The following ZNF609 variants were observed in gnomAD, a reference collection of about 807,000 sequenced individuals.
ZNF609 encodes zinc finger protein 609.
Under a neutral mutation model 109.5 loss-of-function variants are expected in ZNF609, and 11 were observed. That is an observed-to-expected ratio of 0.10 (90% confidence interval 0.06 to 0.17). The LOEUF (loss-of-function observed/expected upper bound fraction) is 0.17, where lower values mean the gene tolerates loss of function less well. ZNF609 is among the 10% of genes least tolerant of loss of function. The pLI is 1.00. For missense variants in ZNF609, 1,559 were observed against 1,772.4 expected (o/e 0.88, Z 2.16); for synonymous variants, 646 against 662.0 (o/e 0.98, Z 0.37).
intron 2 of ZNF609, among the ~76,000 whole-genome samples, chr15:64,520,331 T>C (rs1011172228): frequency 2.6e-5 from 4 of 152,148 alleles, no homozygotes; most frequent in African/African-American, 9.7e-5. Flanking sequence ...ACCAAAAATG[T>C]CCCCAGACAC....
intron 2 of ZNF609, among the ~76,000 whole-genome samples, chr15:64,596,044 A>C (rs520694): frequency 0.74 from 112,931 of 152,090 alleles, 45,478 homozygotes; most frequent in East Asian, 0.96. Flanking sequence ...AATGTTGCCC[A>C]TTCCCTCAGC....
At chr15:64,575,960 G>A (rs1440919847) in intron 2 of ZNF609, among the ~76,000 whole-genome samples, 1 of 152,148 alleles carries the variant, frequency 6.6e-6, no homozygotes, top group Non-Finnish European at 1.5e-5. Flanking sequence ...AAATTAGTCA[G>A]GCGCGGTGGC....
At chr15:64,604,114 A>G (rs140175667) in intron 2 of ZNF609, among the ~76,000 whole-genome samples, 1 of 151,876 alleles carries the variant, frequency 6.6e-6, no homozygotes, top group African/African-American at 2.4e-5. Context: ...TTATGACATT[A>G]CTTTAATTAC....
At chr15:64,608,443 GATTTCCCCCATT>G (rs992011157) in intron 2 of ZNF609, among the ~76,000 whole-genome samples, 1 of 152,066 alleles carries the variant, frequency 6.6e-6, no homozygotes, top group African/African-American at 2.4e-5. Context: ...ATTGTGTTCA[GATTTCCCCCATT>G]TACTCGTACT....
At chr15:64,466,800 T>A (rs1893021081) in intron 1 of ZNF609, among the ~76,000 whole-genome samples, 1 of 152,102 alleles carries the variant, frequency 6.6e-6, no homozygotes, top group African/African-American at 2.4e-5. Context: ...TCCTTTTACC[T>A]TTCCCCCACC....
chr15:64,504,365 A>G (rs1233848548), intron 2 of ZNF609, among the ~76,000 whole-genome samples: 2 of 152,240 alleles, frequency 1.3e-5, no homozygotes, highest in Non-Finnish European at 2.9e-5. Context: ...TGGCAAAGCC[A>G]GATTTGTAGA....
rs549532653 is a variant in ZNF609 at position 64,505,328 on chromosome 15, A to G, written c.747+5162A>G. Among the ~76,000 whole-genome samples, 367 of 39,366 alleles carry G rather than the reference A, an allele frequency of 9.3e-3. 1 individual carries two copies. Among genetic ancestry groups the G allele is most frequent in the Middle Eastern group, 0.018 (1 of 56 alleles). 25.8% of individuals were successfully genotyped at this position (39,366 alleles called of 152,430 possible). A position where few individuals can be genotyped will look rare whatever the true frequency, so the allele number is the denominator to read the frequency against. On this transcript the variant is annotated intron_variant, in intron 2 of 9. Transcript: ENST00000326648. ...CTTTCTTTACTTGGCAATTGCAGGT[A>G]AGAAAAAAAACCCTGTTCTAGTGCT...
rs1244693405 is a variant in ZNF609, at chr15:64,674,430, A to C, written c.1576A>C (p.Lys526Gln). Residue 526 changes from lysine (K) to glutamine (Q), a missense_variant, in exon 5 of 10, where the codon AAG becomes CAG. Transcript: ENST00000326648. ...QAHAHTDDDS[K>Q]PEADGDSEYG... ...TCATGCCCATACAGATGATGACAGC[A>C]AGCCGGAAGCGGATGGGGACAGTGA... is the stretch of plus-strand genomic sequence containing the variant. The C allele has an allele frequency of 6.2e-7, 1 of 1,614,060 alleles. No homozygotes were observed. Among genetic ancestry groups the C allele is most frequent in the Non-Finnish European group, 8.5e-7 (1 of 1,180,038 alleles).
rs944009256 is a variant in ZNF609, at chr15:64,474,770, C to A, written c.-128+13932C>A. 2.1e-4 allele frequency among the ~76,000 whole-genome samples: 32 copies of A among 152,080 alleles called. 1 individual carries two copies. Among genetic ancestry groups the A allele is most frequent in the African/African-American group, 7.7e-4 (32 of 41,414 alleles). On this transcript the variant is annotated intron_variant, in intron 1 of 9. Transcript: ENST00000326648. ...TGCTCTGAAAGATAAGAATTTTGTT[C>A]TAGAAGAGTGTGTGCAAATAAAGCC...
chr15:64,621,650 C>G (rs1476234772), intron 2 of ZNF609, among the ~76,000 whole-genome samples: 1 of 152,144 alleles, frequency 6.6e-6, no homozygotes, highest in South Asian at 2.1e-4. Flanking sequence ...GCCATTGCAC[C>G]TGACCCATCA....
rs749802249 is a variant in ZNF609 at position 64,675,405 on chromosome 15, G to A, written c.2551G>A (p.Ala851Thr). 6.2e-7 allele frequency: 1 copy of A among 1,614,200 alleles called. No individual in the cohort carries two copies. The highest frequency in any genetic ancestry group is 1.1e-5 in the South Asian group (1 of 91,082). ...CCCTGCATACTCTGACATCTCTGAT[G>A]CTGGGGAGGATGGGGAGGGCAAGGT... is the stretch of plus-strand genomic sequence containing the variant. ...NSPAYSDISD[A>T]GEDGEGKVDS... is the part of the protein sequence containing the mutation. The change falls in exon 5 of 10, where the codon GCT (alanine) becomes ACT (threonine). Residue 851 changes from alanine to threonine, a missense_variant. By Grantham distance (58) the Ala-to-Thr change is moderately conservative. Transcript: ENST00000326648.
Position 64,670,334 on chromosome 15 carries a change from C to G in ZNF609, c.974-12C>G. 6.2e-7 allele frequency: 1 copy of G among 1,612,102 alleles called. No homozygotes were observed. The highest frequency in any genetic ancestry group is 8.5e-7 in the Non-Finnish European group (1 of 1,178,244). On this transcript the variant is annotated splice_polypyrimidine_tract_variant and intron_variant, in intron 3 of 9. Coordinates refer to ENST00000326648, the MANE Select transcript of ZNF609 (RefSeq NM_015042.2). ...TGTGTCTTGTCTATATCTATGTGCT[C>G]TTATTTTCCAGGGATGTTGGTGGTA...
chr15:64,670,316 T>C, intron 3 of ZNF609, 30 bp from the exon 4 acceptor site: 1 of 1,584,966 alleles, frequency 6.3e-7, no homozygotes, highest in Non-Finnish European at 8.7e-7. Context: ...GGGTGTGTCT[T>C]GTCTATATCT....
At chr15:64,562,392 C>T (rs1832868683) in intron 2 of ZNF609, among the ~76,000 whole-genome samples, 1 of 152,092 alleles carries the variant, frequency 6.6e-6, no homozygotes, top group South Asian at 2.1e-4. Context: ...CATTTATGCC[C>T]CCAAGATCAC....
At chr15:64,589,489 T>A (rs1344865254) in intron 2 of ZNF609, among the ~76,000 whole-genome samples, 5 of 152,222 alleles carry the variant, frequency 3.3e-5, no homozygotes, top group Admixed American at 6.5e-5. Context: ...CACACTAGCA[T>A]AATTTTTATT....
chr15:64,558,225 C>T (rs2140400732), intron 2 of ZNF609, among the ~76,000 whole-genome samples: 1 of 152,246 alleles, frequency 6.6e-6, no homozygotes, highest in Middle Eastern at 3.4e-3. Context: ...ACGTACATTT[C>T]TCTACCTGTC....
At chr15:64,592,516 T>C (rs1476276985) in intron 2 of ZNF609, among the ~76,000 whole-genome samples, 1 of 152,186 alleles carries the variant, frequency 6.6e-6, no homozygotes. Context: ...AGGTGGAGGC[T>C]GCAGTGAGCT....
intron 2 of ZNF609, among the ~76,000 whole-genome samples, chr15:64,520,925 C>G (rs1893882170): frequency 1.3e-5 from 2 of 152,202 alleles, no homozygotes; most frequent in Non-Finnish European, 2.9e-5. Flanking sequence ...AGGAGAGGCT[C>G]ACCTGATTTT....
At chr15:64,670,289 ATTCTC>A in intron 3 of ZNF609, 52 bp from the exon 4 acceptor site, 1 of 1,404,650 alleles carries the variant, frequency 7.1e-7, no homozygotes, top group Non-Finnish European at 1.0e-6. Context: ...AAAGAATACT[ATTCTC>A]AGTGGCAAAT....
Sources: gnomAD v4.1 joint callset for allele counts (sites outside exome capture counted in the v4.1 genomes callset) on GRCh38, gnomAD v4.1.1 for gene constraint, MANE v1.5 for transcripts, NCBI Gene and HGNC (gene_info 2026-07-23, HGNC 2026-07-21) for gene names.